The following CNTN1 variants were observed in gnomAD, a reference collection of about 807,000 sequenced individuals.
The protein encoded by CNTN1 is contactin-1.
A neutral mutation model predicts 126.4 loss-of-function variants in CNTN1; 38 were observed. The ratio of observed to expected loss-of-function variants is 0.30; its 90% CI spans 0.23 to 0.39. The LOEUF (loss-of-function observed/expected upper bound fraction) is 0.39. Among genes scored for constraint, CNTN1 ranks in the 10% least tolerant of loss-of-function variants. CNTN1 has a pLI of 1.00. For synonymous variants in CNTN1, 413 were observed against 422.6 expected (o/e 0.98, Z 0.28); for missense variants, 1,009 against 1,248.4 (o/e 0.81, Z 2.89).
chr12:41,020,109 T>A (rs1402086144), intron 19 of CNTN1, among the ~76,000 whole-genome samples: 2 of 152,080 alleles, frequency 1.3e-5, no homozygotes, highest in African/African-American at 4.8e-5. Context: ...TTTATGTAAA[T>A]GAATGTGTGT....
intron 14 of CNTN1, among the ~76,000 whole-genome samples, chr12:40,949,418 A>AGC (rs1555186730): frequency 1.2e-5 from 1 of 83,100 alleles, no homozygotes; most frequent in Non-Finnish European, 2.4e-5. Flanking sequence ...TGCTATCCCT[A>AGC]CCCCCCCTCC....
At chr12:40,754,440 A>G (rs1459827170) in intron 1 of CNTN1, among the ~76,000 whole-genome samples, 1 of 152,112 alleles carries the variant, frequency 6.6e-6, no homozygotes, top group African/African-American at 2.4e-5. Flanking sequence ...TGTAAATGCT[A>G]TGTAAATAGT....
chr12:40,702,105 T>C (rs1191893777), intron 1 of CNTN1, among the ~76,000 whole-genome samples: 2 of 152,084 alleles, frequency 1.3e-5, no homozygotes, highest in Non-Finnish European at 2.9e-5. Flanking sequence ...ATCGGATTTT[T>C]TTTTTTTTTC....
At position 40,812,942 on chromosome 12, in the gene CNTN1, AAT is replaced by A. The variant is rs1491245445; in HGVS notation, c.-76-95414_-76-95413del. Among the ~76,000 whole-genome samples, 16 of 95,902 alleles carry A rather than the reference AAT, an allele frequency of 1.7e-4. No homozygotes were observed. In the South Asian group the frequency reaches 4.8e-3, roughly 29 times the overall value. The allele number at this position is 95,902 out of a possible 152,430, so 62.9% of individuals were successfully genotyped here. The stretch of plus-strand genomic sequence containing the variant: ...AAGGACTTAATACTGCCAGTTTGTT[AAT>A]TTTTTTTTTTTTTTTGGTTGTTTTG... On this transcript the variant is annotated intron_variant, in intron 1 of 23. Coordinates refer to ENST00000551295, the MANE Select transcript of CNTN1 (RefSeq NM_001843.4).
intron 17 of CNTN1, among the ~76,000 whole-genome samples, chr12:41,012,088 G>C (rs1348712521): frequency 6.6e-6 from 1 of 152,130 alleles, no homozygotes; most frequent in African/African-American, 2.4e-5. Context: ...CTTGGGTAAA[G>C]GAGAGGATTC....
intron 1 of CNTN1, among the ~76,000 whole-genome samples, chr12:40,814,482 G>A (rs895202775): frequency 5.9e-5 from 9 of 152,100 alleles, no homozygotes; most frequent in African/African-American, 1.9e-4. Context: ...TTTTTGTCAG[G>A]TTTGTCAAAG....
chr12:40,855,973 A>G lies in CNTN1; in HGVS notation c.-76-52384A>G, dbSNP rs535051889. The stretch of plus-strand genomic sequence containing the variant: ...GCCATACCAGTATTTCTCAACATTT[A>G]TATCAGTTATCTTTTTGTTTGGTGC... On this transcript the variant is annotated intron_variant, in intron 1 of 23. Transcript: ENST00000551295. Among the ~76,000 whole-genome samples the G allele has an allele frequency of 4.6e-5, 7 of 152,124 alleles. No homozygotes were observed. In the South Asian group the frequency reaches 1.4e-3, roughly 31 times the overall value.
intron 1 of CNTN1, among the ~76,000 whole-genome samples, chr12:40,790,291 C>G (rs925071994): frequency 6.6e-6 from 1 of 152,102 alleles, no homozygotes; most frequent in Admixed American, 6.6e-5. Flanking sequence ...GCCAGGGAAT[C>G]TCCCCGACAA....
At chr12:40,743,726 A>AT (rs1473501331) in intron 1 of CNTN1, among the ~76,000 whole-genome samples, 1 of 151,904 alleles carries the variant, frequency 6.6e-6, no homozygotes. Flanking sequence ...ATATTCTCCC[A>AT]TTTTGTAGGT....
chr12:40,711,495 C>T (rs1028538111), intron 1 of CNTN1, among the ~76,000 whole-genome samples: 2 of 152,054 alleles, frequency 1.3e-5, no homozygotes, highest in African/African-American at 4.8e-5. Context: ...AAACCTTACC[C>T]TCTCTATTGA....
intron 16 of CNTN1, among the ~76,000 whole-genome samples, chr12:40,986,471 C>T (rs1947956690): frequency 6.6e-6 from 1 of 152,148 alleles, no homozygotes; most frequent in South Asian, 2.1e-4. Flanking sequence ...ATCAGACCTC[C>T]TACATATCTG....
chr12:40,844,959 T>C (rs887735777), intron 1 of CNTN1, among the ~76,000 whole-genome samples: 2 of 152,178 alleles, frequency 1.3e-5, no homozygotes, highest in African/African-American at 4.8e-5. Context: ...TAAAGGAAAT[T>C]TCAATGAAAG....
chr12:40,933,997 AT>A (rs1565982391), intron 9 of CNTN1, 119 bp downstream of exon 9: 1 of 764,726 alleles, frequency 1.3e-6, no homozygotes, highest in African/African-American at 1.8e-5. Context: ...TGCATGTTAC[AT>A]CATGGAGAAA....
chr12:40,941,046 G>A (rs1005007999), intron 12 of CNTN1, among the ~76,000 whole-genome samples: 2 of 152,064 alleles, frequency 1.3e-5, no homozygotes, highest in African/African-American at 4.8e-5. Context: ...CTTCAACCAA[G>A]GATTTCCCAG....
chr12:41,009,275 G>A (rs1350201890), intron 17 of CNTN1, among the ~76,000 whole-genome samples: 1 of 152,178 alleles, frequency 6.6e-6, no homozygotes, highest in Non-Finnish European at 1.5e-5. Flanking sequence ...TGATATTTAA[G>A]GAGCCTGCTG....
chr12:40,787,617 C>T (rs1266732291), intron 1 of CNTN1, among the ~76,000 whole-genome samples: 1 of 152,016 alleles, frequency 6.6e-6, no homozygotes, highest in Non-Finnish European at 1.5e-5. Context: ...AACAAGAATT[C>T]CTTATTAAGT....
intron 23 of CNTN1, 148 bp downstream of exon 23, chr12:41,029,367 T>C (rs1429494991): frequency 1.1e-6 from 1 of 886,482 alleles, no homozygotes; most frequent in Non-Finnish European, 1.8e-6. Context: ...TGAAACTTGG[T>C]ATTTCTCCTC....
chr12:40,709,070 G>A (rs1006572360), intron 1 of CNTN1, among the ~76,000 whole-genome samples: 5 of 151,934 alleles, frequency 3.3e-5, no homozygotes, highest in African/African-American at 4.8e-5. Context: ...ATCCATCAGA[G>A]GAATTAGTAT....
intron 1 of CNTN1, among the ~76,000 whole-genome samples, chr12:40,756,967 T>C (rs1303946162): frequency 6.6e-6 from 1 of 152,100 alleles, no homozygotes. Flanking sequence ...AATAATTAGT[T>C]TTTGATTGAA....
Sources: gnomAD v4.1 joint callset for allele counts (sites outside exome capture counted in the v4.1 genomes callset) on GRCh38, gnomAD v4.1.1 for gene constraint, MANE v1.5 for transcripts, NCBI Gene and HGNC (gene_info 2026-07-23, HGNC 2026-07-21) for gene names.